The following SYNPR variants were observed in gnomAD, a reference collection of about 807,000 sequenced individuals.
SYNPR encodes synaptoporin.
SYNPR carries 23 observed loss-of-function variants against 32.9 expected under a neutral mutation model. The ratio of observed to expected loss-of-function variants is 0.70; its 90% CI spans 0.50 to 0.99. The LOEUF is 0.99. SYNPR is among the 50% of genes least tolerant of loss of function. SYNPR has a pLI of 0.00. For synonymous variants in SYNPR, 146 were observed against 135.9 expected, an observed-to-expected ratio of 1.07 and a Z score of -0.52; for missense variants, 318 against 349.3, an observed-to-expected ratio of 0.91 and a Z score of 0.71.
At chr3:63,424,205 T>C (rs1009193395) in intron 2 of SYNPR, among the ~76,000 whole-genome samples, 2 of 152,206 alleles carry the variant, frequency 1.3e-5, no homozygotes, top group Non-Finnish European at 2.9e-5. Flanking sequence ...GTGCAAGGTA[T>C]ATGGAAACTC....
intron 2 of SYNPR, among the ~76,000 whole-genome samples, chr3:63,311,458 G>C (rs2086963548): frequency 6.6e-6 from 1 of 152,014 alleles, no homozygotes; most frequent in African/African-American, 2.4e-5. Context: ...CCTCCCATCA[G>C]ATCAGCAGCA....
intron 2 of SYNPR, among the ~76,000 whole-genome samples, chr3:63,474,707 A>G (rs369107286): frequency 5.9e-5 from 9 of 152,158 alleles, no homozygotes; most frequent in African/African-American, 2.2e-4. Context: ...AACTCAACTT[A>G]GTGGTACCAA....
In SYNPR at chr3:63,596,122, T is replaced by C. The variant is rs149847031; in HGVS notation, c.409-13003T>C. ...AACTCGTCATTTAGCATTAGGTATA[T>C]CTCCCTCCTTTGGAGGAAAGAGGGA... On this transcript the variant is annotated intron_variant, in intron 4 of 5. Coordinates refer to ENST00000478300, the MANE Select transcript of SYNPR (RefSeq NM_001130003.2). 2.7e-3 allele frequency among the ~76,000 whole-genome samples: 413 copies of C among 150,480 alleles called. 10 individuals are homozygous for C. The East Asian group carries it at 0.059, about 21-fold the overall frequency.
chr3:63,563,065 T>G (rs1018711489), intron 4 of SYNPR, among the ~76,000 whole-genome samples: 2 of 152,194 alleles, frequency 1.3e-5, no homozygotes, highest in African/African-American at 4.8e-5. Flanking sequence ...TGTCCATTAC[T>G]GGGTAGTTCC....
At chr3:63,596,756 T>A (rs1414417208) in intron 4 of SYNPR, among the ~76,000 whole-genome samples, 1 of 152,116 alleles carries the variant, frequency 6.6e-6, no homozygotes, top group Non-Finnish European at 1.5e-5. Context: ...CAGACCAAAC[T>A]ACCAAAAGAA....
intron 4 of SYNPR, among the ~76,000 whole-genome samples, chr3:63,593,906 A>T (rs952658442): frequency 2.0e-5 from 3 of 152,092 alleles, no homozygotes; most frequent in African/African-American, 7.2e-5. Flanking sequence ...ACTCTCTTCC[A>T]TTTTTAGAAC....
intron 2 of SYNPR, among the ~76,000 whole-genome samples, chr3:63,328,832 T>G (rs1458852323): frequency 6.6e-6 from 1 of 152,190 alleles, no homozygotes; most frequent in African/African-American, 2.4e-5. Flanking sequence ...TGGCTTTATT[T>G]TCTTCTACCT....
intron 2 of SYNPR, among the ~76,000 whole-genome samples, chr3:63,392,020 G>A (rs1381455618): frequency 1.3e-5 from 2 of 152,156 alleles, no homozygotes; most frequent in African/African-American, 4.8e-5. Flanking sequence ...AGCATTCTAG[G>A]TGTGAGCTTG....
intron 3 of SYNPR, among the ~76,000 whole-genome samples, chr3:63,543,275 G>T (rs956124472): frequency 2.8e-4 from 42 of 152,086 alleles, no homozygotes; most frequent in African/African-American, 9.7e-4. Context: ...AGAGTTTGAG[G>T]ATCTCTGATT....
intron 2 of SYNPR, among the ~76,000 whole-genome samples, chr3:63,263,633 A>T (rs2106902567): frequency 6.6e-6 from 1 of 152,238 alleles, no homozygotes; most frequent in South Asian, 2.1e-4. Context: ...ACACTTCCAA[A>T]GTTGGTGAGT....
the SYNPR span, among the ~76,000 whole-genome samples, chr3:63,202,377 G>C: frequency 3.3e-5 from 5 of 152,166 alleles, no homozygotes; most frequent in Non-Finnish European, 7.3e-5. Flanking sequence ...CCTGCTTGCA[G>C]AATTGCTTCA....
rs71631157 is a variant in SYNPR, at chr3:63,481,451, A to ATG, written c.209+515_209+516dup. The stretch of plus-strand genomic sequence containing the variant: ...ATATTAAGTGTATATATATATATAT[A>ATG]TGTGTGTGTGTGTGTGTGTGTATAC... On this transcript the variant is annotated intron_variant, in intron 3 of 5. Transcript: ENST00000478300. Among the ~76,000 whole-genome samples, 283 of 147,210 alleles carry ATG rather than the reference A, an allele frequency of 1.9e-3. 2 individuals are homozygous for ATG. The highest frequency in any genetic ancestry group is 4.1e-3 in the African/African-American group (164 of 39,636).
At chr3:63,554,601 G>T (rs1398004885) in intron 3 of SYNPR, among the ~76,000 whole-genome samples, 2 of 152,124 alleles carry the variant, frequency 1.3e-5, no homozygotes, top group Admixed American at 1.3e-4. Context: ...ATGCTGTTTT[G>T]GTTGCTCTAG....
At chr3:63,596,560 C>T (rs550558676) in intron 4 of SYNPR, among the ~76,000 whole-genome samples, 2 of 152,186 alleles carry the variant, frequency 1.3e-5, no homozygotes, top group East Asian at 3.9e-4. Context: ...CTTCTTTGGG[C>T]TGCCAACACA....
chr3:63,475,921 A>T (rs1001159852), intron 2 of SYNPR, among the ~76,000 whole-genome samples: 3 of 152,224 alleles, frequency 2.0e-5, no homozygotes, highest in Non-Finnish European at 2.9e-5. Flanking sequence ...GCTAGCATTA[A>T]TGGCCTCTCG....
intron 2 of SYNPR, among the ~76,000 whole-genome samples, chr3:63,439,995 T>C (rs1700140411): frequency 6.6e-6 from 1 of 152,174 alleles, no homozygotes; most frequent in Non-Finnish European, 1.5e-5. Flanking sequence ...TTTCCTGCTT[T>C]TGTGGACGTC....
At chr3:63,207,788 A>C in the SYNPR span, among the ~76,000 whole-genome samples, 3 of 152,180 alleles carry the variant, frequency 2.0e-5, no homozygotes, top group Admixed American at 6.5e-5. Context: ...TTTTTAAAAA[A>C]AATGAAAGAA....
At chr3:63,372,885 T>C (rs937725429) in intron 2 of SYNPR, among the ~76,000 whole-genome samples, 6 of 152,114 alleles carry the variant, frequency 3.9e-5, no homozygotes, top group Admixed American at 1.3e-4. Context: ...TGAGGAAATA[T>C]AGAGGAGCCA....
intron 3 of SYNPR, among the ~76,000 whole-genome samples, chr3:63,534,925 C>T (rs1299398143): frequency 1.3e-5 from 2 of 152,138 alleles, no homozygotes; most frequent in African/African-American, 4.8e-5. Flanking sequence ...ATAACCCCAG[C>T]ACCTTCCACC....
Sources: allele counts gnomAD v4.1 joint callset (sites outside exome capture counted in the v4.1 genomes callset), GRCh38; gene constraint gnomAD v4.1.1; transcripts MANE v1.5; gene names NCBI Gene and HGNC (gene_info 2026-07-23, HGNC 2026-07-21).